The following GALNTL6 variants were observed in gnomAD, a reference collection of about 807,000 sequenced individuals.
GALNTL6 encodes the protein polypeptide N-acetylgalactosaminyltransferase like 6.
In GALNTL6, 46 loss-of-function variants were observed where a neutral mutation model predicts 73.7. The observed-to-expected ratio is 0.62, with a 90% confidence interval of 0.49 to 0.80. The LOEUF (loss-of-function observed/expected upper bound fraction) is 0.80, where lower values mean the gene tolerates loss of function less well. GALNTL6 is among the 30% of genes least tolerant of loss of function. GALNTL6 has a pLI of 0.00. For missense variants in GALNTL6, 604 were observed against 755.0 expected (o/e 0.80, Z 2.34); for synonymous variants, 259 against 263.7 (o/e 0.98, Z 0.17).
intron 5 of GALNTL6, among the ~76,000 whole-genome samples, chr4:172,426,569 A>T (rs1022144170): frequency 6.6e-6 from 1 of 152,168 alleles, no homozygotes; most frequent in Non-Finnish European, 1.5e-5. Context: ...CAGGACACAG[A>T]TGCATCTAAG....
At chr4:171,826,627 A>G (rs1485596146) in intron 2 of GALNTL6, among the ~76,000 whole-genome samples, 1 of 152,020 alleles carries the variant, frequency 6.6e-6, no homozygotes, top group Non-Finnish European at 1.5e-5. Flanking sequence ...ATCATCAGCA[A>G]TCTCTAGTTA....
chr4:172,415,818 T>C (rs1579051364), intron 5 of GALNTL6, among the ~76,000 whole-genome samples: 1 of 152,092 alleles, frequency 6.6e-6, no homozygotes, highest in African/African-American at 2.4e-5. Flanking sequence ...CCTGCACCAG[T>C]AATCAGAATG....
intron 5 of GALNTL6, among the ~76,000 whole-genome samples, chr4:172,732,489 A>G (rs1363554047): frequency 6.6e-6 from 1 of 152,114 alleles, no homozygotes; most frequent in Non-Finnish European, 1.5e-5. Flanking sequence ...CAGCCACTCT[A>G]TGCCTTTTAG....
chr4:172,584,318 C>T (rs529674262), intron 5 of GALNTL6, among the ~76,000 whole-genome samples: 2 of 152,146 alleles, frequency 1.3e-5, no homozygotes, highest in East Asian at 3.9e-4. Context: ...AGCAAAATTA[C>T]ATGTGAGAGA....
chr4:172,291,072 C>CA (rs1306456357), intron 3 of GALNTL6, among the ~76,000 whole-genome samples: 1 of 151,902 alleles, frequency 6.6e-6, no homozygotes, highest in Admixed American at 6.6e-5. Context: ...GCTTATTATT[C>CA]AAAACATTAT....
intron 5 of GALNTL6, among the ~76,000 whole-genome samples, chr4:172,357,632 T>TACACACAC (rs1261733062): frequency 0.018 from 140 of 7,640 alleles, no homozygotes; most frequent in South Asian, 0.12. Context: ...TATATAGATA[T>TACACACAC]ATACACACAC....
At chr4:172,799,203 A>G (rs1047341762) in intron 5 of GALNTL6, among the ~76,000 whole-genome samples, 2 of 152,218 alleles carry the variant, frequency 1.3e-5, no homozygotes, top group African/African-American at 4.8e-5. Flanking sequence ...GAGATGAGGC[A>G]TGCAGGGAAG....
chr4:172,619,518 A>T (rs1252078329), intron 5 of GALNTL6, among the ~76,000 whole-genome samples: 5 of 152,162 alleles, frequency 3.3e-5, no homozygotes, highest in Non-Finnish European at 7.4e-5. Flanking sequence ...AACTAATTTT[A>T]TGTTTTTGCA....
At chr4:172,427,072 A>C (rs575428846) in intron 5 of GALNTL6, among the ~76,000 whole-genome samples, 1 of 152,280 alleles carries the variant, frequency 6.6e-6, no homozygotes, top group East Asian at 1.9e-4. Flanking sequence ...GTTTGAGATA[A>C]GTCATTCAAC....
In GALNTL6 at chr4:172,153,153, G is replaced by A. The variant is rs77148528; in HGVS notation, c.139-76503G>A. 5.9e-5 allele frequency among the ~76,000 whole-genome samples: 9 copies of A among 152,310 alleles called. No individual in the cohort carries two copies. The East Asian group carries it at 1.2e-3, about 20-fold the overall frequency. On this transcript the variant is annotated intron_variant, in intron 2 of 12. Transcript: ENST00000506823. ...CTGACCATTTCCATCGTTGTGTGGA[G>A]ACTTTATTCTAAAACTTTAATATAC...
chr4:171,842,776 C>T (rs1735271382), intron 2 of GALNTL6, among the ~76,000 whole-genome samples: 1 of 152,078 alleles, frequency 6.6e-6, no homozygotes, highest in Admixed American at 6.6e-5. Context: ...TCACCTCCCA[C>T]CAGGCCCCAC....
At chr4:172,902,632 G>C (rs17319267) in intron 8 of GALNTL6, among the ~76,000 whole-genome samples, 16,658 of 152,212 alleles carry the variant, frequency 0.11, 1,252 homozygotes, top group Non-Finnish European at 0.16. Flanking sequence ...AACACCATCT[G>C]TCCTAGAATG....
At chr4:172,147,805 C>T (rs1166675730) in intron 2 of GALNTL6, among the ~76,000 whole-genome samples, 1 of 152,096 alleles carries the variant, frequency 6.6e-6, no homozygotes, top group East Asian at 1.9e-4. Flanking sequence ...ACTCTAAGAG[C>T]TGTTTTTTGC....
chr4:171,831,119 T>G (rs773609897), intron 2 of GALNTL6, among the ~76,000 whole-genome samples: 7 of 152,024 alleles, frequency 4.6e-5, no homozygotes, highest in Admixed American at 6.6e-5. Context: ...ACCTTAAGAC[T>G]TCTATTGGTT....
chr4:172,650,266 C>T (rs914986490), intron 5 of GALNTL6, among the ~76,000 whole-genome samples: 1 of 152,098 alleles, frequency 6.6e-6, no homozygotes, highest in Non-Finnish European at 1.5e-5. Context: ...TTAAAAAGAA[C>T]AGCGGTACCA....
In GALNTL6 at chr4:172,960,807, G is replaced by A. The variant is rs191137807; in HGVS notation, c.1371+8549G>A. On this transcript the variant is annotated intron_variant, in intron 10 of 12. Transcript: ENST00000506823. ...AGAAAATAAGGCATTTAGGTTTTAG[G>A]TCAGGTATGAGTTGAAGAGGTTTTA... Among the ~76,000 whole-genome samples the A allele has an allele frequency of 1.9e-3, 296 of 152,300 alleles. 2 individuals carry two copies. The highest frequency in any genetic ancestry group is 1.6e-3 in the Non-Finnish European group (107 of 68,022).
At chr4:172,108,223 A>T (rs1052424817) in intron 2 of GALNTL6, among the ~76,000 whole-genome samples, 2 of 152,198 alleles carry the variant, frequency 1.3e-5, no homozygotes, top group Non-Finnish European at 2.9e-5. Context: ...TGAGGTTCTA[A>T]GTGAGCCCCT....
At chr4:172,589,963 G>A (rs1321743444) in intron 5 of GALNTL6, among the ~76,000 whole-genome samples, 1 of 152,130 alleles carries the variant, frequency 6.6e-6, no homozygotes, top group Non-Finnish European at 1.5e-5. Context: ...AGTTAATAGA[G>A]CAATCAAATC....
chr4:171,922,065 T>G (rs1461806218), intron 2 of GALNTL6, among the ~76,000 whole-genome samples: 4 of 151,882 alleles, frequency 2.6e-5, no homozygotes, highest in Non-Finnish European at 5.9e-5. Flanking sequence ...AATTATAGTT[T>G]CATAGTATGT....
Sources: gnomAD v4.1 joint callset for allele counts (sites outside exome capture counted in the v4.1 genomes callset) on GRCh38, gnomAD v4.1.1 for gene constraint, MANE v1.5 for transcripts, NCBI Gene and HGNC (gene_info 2026-07-23, HGNC 2026-07-21) for gene names.